The following APBA1 variants were observed in gnomAD, a reference collection of about 807,000 sequenced individuals.
The protein encoded by APBA1 is amyloid beta precursor protein binding family A member 1, also known as amyloid-beta A4 precursor protein-binding family A member 1.
A neutral mutation model predicts 86.6 loss-of-function variants in APBA1; 55 were observed. The ratio of observed to expected loss-of-function variants is 0.64; its 90% CI spans 0.51 to 0.80. The LOEUF is 0.80. APBA1 is among the 30% of genes least tolerant of loss of function. The pLI, the probability that APBA1 is intolerant of heterozygous loss-of-function variation, is 0.00. For synonymous variants in APBA1, 511 were observed against 493.9 expected (o/e 1.03, Z -0.46); for missense variants, 1,090 against 1,183.0 (o/e 0.92, Z 1.15).
chr9:69,559,034 T>C (rs1836908467), intron 1 of APBA1, among the ~76,000 whole-genome samples: 1 of 152,224 alleles, frequency 6.6e-6, no homozygotes, highest in African/African-American at 2.4e-5. Flanking sequence ...AAAGTCATTA[T>C]TATTGTAATT....
chr9:69,614,272 T>G (rs1822652311), intron 1 of APBA1, among the ~76,000 whole-genome samples: 1 of 152,214 alleles, frequency 6.6e-6, no homozygotes, highest in African/African-American at 2.4e-5. Context: ...TGACCTAGAA[T>G]TAACTTTGAG....
intron 1 of APBA1, among the ~76,000 whole-genome samples, chr9:69,530,306 G>GTATATATATATATATA (rs370549415): frequency 6.9e-5 from 8 of 116,092 alleles, no homozygotes; most frequent in Non-Finnish European, 8.7e-5. Context: ...TTGTGTGTGT[G>GTATATATATATATATA]TATATATATA....
intron 2 of APBA1, among the ~76,000 whole-genome samples, chr9:69,483,442 A>G (rs1835555813): frequency 6.6e-6 from 1 of 152,006 alleles, no homozygotes; most frequent in South Asian, 2.1e-4. Flanking sequence ...ATGGAAAGGG[A>G]TAATATTGCA....
intron 1 of APBA1, among the ~76,000 whole-genome samples, chr9:69,615,507 A>G: frequency 6.6e-6 from 1 of 152,192 alleles, no homozygotes; most frequent in Non-Finnish European, 1.5e-5. Flanking sequence ...TCCCAGCCTT[A>G]GAGTGAGTGA....
chr9:69,572,004 A>G (rs1406335933), intron 1 of APBA1, among the ~76,000 whole-genome samples: 2 of 152,234 alleles, frequency 1.3e-5, no homozygotes, highest in Admixed American at 1.3e-4. Context: ...ATGAAATAAA[A>G]CACAACAGTG....
chr9:69,581,901 C>G (rs1368254795), intron 1 of APBA1, among the ~76,000 whole-genome samples: 1 of 152,100 alleles, frequency 6.6e-6, no homozygotes, highest in African/African-American at 2.4e-5. Flanking sequence ...GCTGAAGGCA[C>G]TCTGTAAAAG....
At chr9:69,490,469 TATA>T (rs928856475) in intron 2 of APBA1, among the ~76,000 whole-genome samples, 1 of 151,046 alleles carries the variant, frequency 6.6e-6, no homozygotes, top group African/African-American at 2.4e-5. Flanking sequence ...AAACTTAAAG[TATA>T]ATAATAATAA....
rs566725338 is a variant in APBA1, at chr9:69,540,752, C to T, written c.-69-23473G>A. ...TAGCTGGTACCACAGGCATGAACTA[C>T]CGCACCCGGCTAATTTTAAATTTTT... On this transcript the variant is annotated intron_variant, in intron 1 of 12. Transcript: ENST00000265381. Among the ~76,000 whole-genome samples, 14 of 152,294 alleles carry T rather than the reference C, an allele frequency of 9.2e-5. No individual in the cohort carries two copies. In the South Asian group the frequency reaches 2.7e-3, roughly 29 times the overall value.
chr9:69,492,265 G>C (rs532775423), intron 2 of APBA1, among the ~76,000 whole-genome samples: 1 of 152,024 alleles, frequency 6.6e-6, no homozygotes, highest in Non-Finnish European at 1.5e-5. Flanking sequence ...CCCACCTCCC[G>C]GGTTGCCATG....
chr9:69,652,861 G>A (rs944693057), intron 1 of APBA1, among the ~76,000 whole-genome samples: 2 of 152,062 alleles, frequency 1.3e-5, no homozygotes, highest in Non-Finnish European at 2.9e-5. Flanking sequence ...TGGGTGTGGT[G>A]GTATGCGCGC....
intron 2 of APBA1, among the ~76,000 whole-genome samples, chr9:69,495,664 CCTA>C (rs1835782864): frequency 6.6e-6 from 1 of 152,052 alleles, no homozygotes; most frequent in Non-Finnish European, 1.5e-5. Context: ...GGCAGCAGCA[CCTA>C]CTATTTCTGG....
rs1834614944 is a variant in APBA1, at chr9:69,432,284, GAGA to G, written c.2442+249_2442+251del. ...GCAACAGAAAGCTGAGTGTTAAAAA[GAGA>G]AGGTGAGCACATCAGATGAAAGAGA... On this transcript the variant is annotated intron_variant, in intron 12 of 12. Transcript: ENST00000265381. Among the ~76,000 whole-genome samples, 2 of 152,246 alleles carry G rather than the reference GAGA, an allele frequency of 1.3e-5. 1 individual carries two copies. Among genetic ancestry groups the G allele is most frequent in the Non-Finnish European group, 2.9e-5 (2 of 68,046 alleles).
intron 1 of APBA1, among the ~76,000 whole-genome samples, chr9:69,530,387 T>TA (rs1169165375): frequency 1.3e-5 from 2 of 149,670 alleles, no homozygotes; most frequent in East Asian, 4.0e-4. Context: ...TATGCAGCCA[T>TA]AAAAAAGAAT....
chr9:69,452,479 G>T (rs1161818175), intron 8 of APBA1, among the ~76,000 whole-genome samples, 178 bp from the exon 9 acceptor site: 1 of 152,242 alleles, frequency 6.6e-6, no homozygotes, highest in Admixed American at 6.5e-5. Flanking sequence ...GCAATTTTCA[G>T]AAAGACTGGG....
chr9:69,668,644 C>G (rs1823886268), intron 1 of APBA1, among the ~76,000 whole-genome samples: 1 of 152,238 alleles, frequency 6.6e-6, no homozygotes, highest in African/African-American at 2.4e-5. Flanking sequence ...ATCCACACTC[C>G]TTAGCTTGGC....
chr9:69,476,184 A>T lies in APBA1; in HGVS notation c.1201-41T>A, dbSNP rs773781493. ...AGGAAACACAGTGAGAACTTGAGAG[A>T]CTCGGCAGACACTTGGCTGGGGGAA... On this transcript the variant is annotated intron_variant, in intron 2 of 12. Transcript: ENST00000265381. 36 of 1,466,112 alleles carry T rather than the reference A, an allele frequency of 2.5e-5. No homozygotes were observed. In the South Asian group the frequency reaches 3.9e-4, roughly 16 times the overall value. The allele number at this position is 1,466,112 out of a possible 1,614,324, so 90.8% of individuals were successfully genotyped here.
At chr9:69,570,556 T>C (rs900641365) in intron 1 of APBA1, among the ~76,000 whole-genome samples, 4 of 152,190 alleles carry the variant, frequency 2.6e-5, no homozygotes, top group Non-Finnish European at 5.9e-5. Context: ...TATAACATGA[T>C]AGAATGATCC....
At chr9:69,476,248 A>G in intron 2 of APBA1, 105 bp from the exon 3 acceptor site, 1 of 752,378 alleles carries the variant, frequency 1.3e-6, no homozygotes, top group African/African-American at 1.7e-5. Flanking sequence ...ACACAATCGA[A>G]CAGACACTGC....
At chr9:69,601,959 C>T (rs1287456221) in intron 1 of APBA1, among the ~76,000 whole-genome samples, 1 of 152,182 alleles carries the variant, frequency 6.6e-6, no homozygotes, top group African/African-American at 2.4e-5. Flanking sequence ...AACTACCAAG[C>T]CACACAATGA....
Sources: gnomAD v4.1 joint callset for allele counts (sites outside exome capture counted in the v4.1 genomes callset) on GRCh38, gnomAD v4.1.1 for gene constraint, MANE v1.5 for transcripts, NCBI Gene and HGNC (gene_info 2026-07-23, HGNC 2026-07-21) for gene names.